ZNF608: variants seen among roughly 807,000 people sequenced by gnomAD.
ZNF608 encodes the protein renal carcinoma antigen NY-REN-36.
Under a neutral mutation model 109.0 loss-of-function variants are expected in ZNF608, and 12 were observed. That is an observed-to-expected ratio of 0.11 (90% CI 0.07 to 0.18). The LOEUF (loss-of-function observed/expected upper bound fraction) is 0.18, where lower values mean the gene tolerates loss of function less well. ZNF608 is among the 10% of genes least tolerant of loss of function. The pLI is 1.00. For missense variants in ZNF608, 1,707 were observed against 1,879.3 expected (o/e 0.91, Z 1.70); for synonymous variants, 732 against 717.4 (o/e 1.02, Z -0.33).
chr5:124,736,399 C>T (rs1343982606), intron 2 of ZNF608, among the ~76,000 whole-genome samples: 1 of 152,118 alleles, frequency 6.6e-6, no homozygotes, highest in Admixed American at 6.5e-5. Context: ...AAGGAAGTGA[C>T]AGGAAATCCA....
intron 2 of ZNF608, among the ~76,000 whole-genome samples, chr5:124,735,577 T>C (rs1221131492): frequency 1.3e-5 from 2 of 152,248 alleles, no homozygotes; most frequent in African/African-American, 4.8e-5. Context: ...AGAAGGCTTC[T>C]TTATTTTAAG....
intron 2 of ZNF608, among the ~76,000 whole-genome samples, chr5:124,723,143 T>C (rs1363525445): frequency 6.6e-6 from 1 of 151,748 alleles, no homozygotes; most frequent in African/African-American, 2.4e-5. Flanking sequence ...CAATTCTCGG[T>C]TCTCAGCCTC....
chr5:124,726,617 C>G (rs925351818), intron 2 of ZNF608, among the ~76,000 whole-genome samples: 8 of 150,452 alleles, frequency 5.3e-5, no homozygotes, highest in Non-Finnish European at 1.2e-4. Context: ...CTTCTTGCCT[C>G]TCTACAGTCA....
chr5:124,744,421 T>A lies in ZNF608; in HGVS notation c.569A>T (p.Glu190Val). 2 of 1,614,244 alleles carry A rather than the reference T, an allele frequency of 1.2e-6. No homozygotes were observed. Among genetic ancestry groups the A allele is most frequent in the Non-Finnish European group, 1.7e-6 (2 of 1,180,042 alleles). The change falls in exon 2 of 10, where the codon GAG becomes GTG. Residue 190 changes from glutamate (E) to valine (V), a missense_variant. Physicochemically the swap from Glu to Val is moderately radical, Grantham distance 121. Coordinates refer to ENST00000513986, the MANE Select transcript of ZNF608 (RefSeq NM_020747.3). The surrounding 1 kb of genome is among the most constrained non-coding windows in gnomAD (Gnocchi z 4.5). Reference protein sequence around the residue: ...GAGSCGKSKEEKPGKSQSSRG... With the variant: ...GAGSCGKSKEVKPGKSQSSRG... ...GCTGCTCTGGCTTTTACCTGGCTTC[T>A]CCTCTTTGCTTTTCCCACAGGAGCC...
chr5:124,708,331 G>T (rs1023197667), intron 2 of ZNF608, among the ~76,000 whole-genome samples: 1 of 152,222 alleles, frequency 6.6e-6, no homozygotes, highest in Non-Finnish European at 1.5e-5. Context: ...CGTGGGAAAA[G>T]TTAAGTAACT....
At chr5:124,704,592 T>A (rs1753184798) in intron 2 of ZNF608, among the ~76,000 whole-genome samples, 2 of 152,222 alleles carry the variant, frequency 1.3e-5, no homozygotes, top group South Asian at 4.1e-4. Flanking sequence ...CCAGTTTTTT[T>A]TAGCAACACT....
Position 124,644,396 on chromosome 5 carries a change from T to C in ZNF608, c.3971A>G (p.Asp1324Gly), listed in dbSNP as rs1750398102. ...DDRKTPVNWKDSRGTRVAVSS... is the reference protein window; with the variant it reads ...DDRKTPVNWKGSRGTRVAVSS... Reference sequence around the variant, plus strand: ...GACAGCCACTCTTGTTCCCCGAGAGTCCTTCCAGTTCACAGGAGTCTTTCG... The same window carrying C: ...GACAGCCACTCTTGTTCCCCGAGAGCCCTTCCAGTTCACAGGAGTCTTTCG... The change falls in exon 6 of 10, where the codon GAC (aspartate) becomes GGC (glycine). Residue 1324 changes from aspartate to glycine, a missense_variant. Around this residue, in one of 7 missense-constraint regions of ZNF608, gnomAD observed 1,073 missense variants for 1,133.5 expected, o/e 0.95. Transcript: ENST00000513986. 1.2e-6 allele frequency: 2 copies of C among 1,613,978 alleles called. No individual in the cohort carries two copies. The highest frequency in any genetic ancestry group is 8.5e-7 in the Non-Finnish European group (1 of 1,179,994).
chr5:124,671,116 C>A (rs761141184), intron 3 of ZNF608, among the ~76,000 whole-genome samples: 1 of 152,068 alleles, frequency 6.6e-6, no homozygotes, highest in East Asian at 1.9e-4. Context: ...GAATGGAAAG[C>A]AAAAACATGA....
intron 3 of ZNF608, among the ~76,000 whole-genome samples, chr5:124,700,078 A>C (rs1170120434): frequency 1.3e-5 from 2 of 152,166 alleles, no homozygotes; most frequent in African/African-American, 2.4e-5. Context: ...TCTAACTTAC[A>C]GAGAAAAAAA....
chr5:124,687,699 G>A (rs1457627400), intron 3 of ZNF608, among the ~76,000 whole-genome samples: 1 of 152,086 alleles, frequency 6.6e-6, no homozygotes, highest in Non-Finnish European at 1.5e-5. Context: ...GAAAATCCAT[G>A]ATATGACTTC....
At position 124,648,988 on chromosome 5, in the gene ZNF608, T is replaced by C; in HGVS notation, c.1396A>G (p.Asn466Asp). ...GLQNKNRGGA[N>D]GKGRRGSLNA... ...AGGCTGCCCCGCCTCCCTTTCCCAT[T>C]GGCCCCCCCTCTGTTCTTATTCTGC... Residue 466 changes from asparagine (N) to aspartate (D), a missense_variant, in exon 5 of 10, where the codon AAT (asparagine) becomes GAT (aspartate). Physicochemically the swap from Asn to Asp is conservative, Grantham distance 23 (BLOSUM62 1). Transcript: ENST00000513986. The C allele has an allele frequency of 6.2e-7, 1 of 1,614,168 alleles. No homozygotes were observed. The highest frequency in any genetic ancestry group is 8.5e-7 in the Non-Finnish European group (1 of 1,180,032).
In ZNF608 at chr5:124,644,321, T is replaced by A; in HGVS notation, c.4046A>T (p.Tyr1349Phe). Residue 1349 changes from tyrosine (Y) to phenylalanine (F), a missense_variant, in exon 6 of 10, where the codon TAT becomes TTT. Around this residue, in one of 7 missense-constraint regions of ZNF608, gnomAD observed 1,073 missense variants for 1,133.5 expected, o/e 0.95. Transcript: ENST00000513986. ...HQSYIQYLHAYPYPQMYDPSH... is the reference protein window; with the variant it reads ...HQSYIQYLHAFPYPQMYDPSH... ...GGGGTCGTACATCTGTGGGTAAGGATAAGCATGCAAGTACTGTATGTATGA... is the reference window on the plus strand; with the variant it reads ...GGGGTCGTACATCTGTGGGTAAGGAAAAGCATGCAAGTACTGTATGTATGA... 1 of 1,614,180 alleles carries A rather than the reference T, an allele frequency of 6.2e-7. No homozygotes were observed. Among genetic ancestry groups the A allele is most frequent in the Non-Finnish European group, 8.5e-7 (1 of 1,180,018 alleles).
chr5:124,739,533 G>A (rs995587634), intron 2 of ZNF608, among the ~76,000 whole-genome samples: 3 of 152,214 alleles, frequency 2.0e-5, no homozygotes, highest in African/African-American at 7.2e-5. Flanking sequence ...TAAATAGTCA[G>A]ATCTTTGGAA....
At chr5:124,721,090 A>G (rs914031686) in intron 2 of ZNF608, among the ~76,000 whole-genome samples, 8 of 152,182 alleles carry the variant, frequency 5.3e-5, no homozygotes, top group African/African-American at 1.9e-4. Context: ...ACCCTTCTGA[A>G]TAAGTCATCT....
chr5:124,695,779 AG>A (rs1475366679), intron 3 of ZNF608, among the ~76,000 whole-genome samples: 1 of 152,138 alleles, frequency 6.6e-6, no homozygotes, highest in Non-Finnish European at 1.5e-5. Context: ...AAAAAAAAAA[AG>A]AATTAGCTTG....
intron 2 of ZNF608, among the ~76,000 whole-genome samples, chr5:124,703,772 AAACAACAAC>A (rs1197858747): frequency 6.6e-6 from 1 of 152,098 alleles, no homozygotes; most frequent in Non-Finnish European, 1.5e-5. Flanking sequence ...TGTCCCTTAA[AAACAACAAC>A]AACAGCAACA....
At chr5:124,663,103 T>C (rs1336469367) in intron 3 of ZNF608, among the ~76,000 whole-genome samples, 1 of 152,214 alleles carries the variant, frequency 6.6e-6, no homozygotes, top group Non-Finnish European at 1.5e-5. Context: ...CAGTGGAAAC[T>C]AGTAGCTCTA....
chr5:124,720,441 G>T (rs1202360429), intron 2 of ZNF608, among the ~76,000 whole-genome samples: 1 of 152,146 alleles, frequency 6.6e-6, no homozygotes, highest in African/African-American at 2.4e-5. Flanking sequence ...ATAAAACTTA[G>T]TAGAGGCTCT....
At chr5:124,748,424 G>A (rs978816936), upstream of ZNF608, 1 of 563,816 alleles carries the variant, frequency 1.8e-6, no homozygotes, top group Non-Finnish European at 2.3e-6. Flanking sequence ...AAATGCAAAA[G>A]CCAAACCCTG....
Sources: gnomAD v4.1 joint callset for allele counts (sites outside exome capture counted in the v4.1 genomes callset) on GRCh38, gnomAD v4.1.1 for gene constraint, gnomAD v4.1.1 regional missense constraint, Gnocchi (gnomAD v3.1) non-coding constraint, MANE v1.5 for transcripts, NCBI Gene and HGNC (gene_info 2026-07-23, HGNC 2026-07-21) for gene names.